The following NXPE4 variants were observed in gnomAD, a reference collection of about 807,000 sequenced individuals.
The protein encoded by NXPE4 is neurexophilin and PC-esterase domain family member 4.
Under a neutral mutation model 33.3 loss-of-function variants are expected in NXPE4, and 42 were observed. The observed-to-expected ratio is 1.26, with a 90% CI of 0.98 to 1.63. NXPE4 has a LOEUF of 1.63. Ranked by LOEUF, NXPE4 falls within the 40% of genes most tolerant of loss-of-function variation. NXPE4 has a pLI of 0.00. For synonymous variants in NXPE4, 253 were observed against 234.9 expected (o/e 1.08, Z -0.71); for missense variants, 709 against 647.6 (o/e 1.09, Z -1.03).
At chr11:114,634,889 A>G in the NXPE4 span, among the ~76,000 whole-genome samples, 3 of 151,992 alleles carry the variant, frequency 2.0e-5, no homozygotes, top group East Asian at 5.8e-4. Context: ...GTTTGAAGTC[A>G]GGTAGTGTGA....
At chr11:114,574,905 A>G (rs1182444735) in intron 5 of NXPE4, among the ~76,000 whole-genome samples, 1 of 152,050 alleles carries the variant, frequency 6.6e-6, no homozygotes, top group Non-Finnish European at 1.5e-5. Flanking sequence ...ACTACAGACC[A>G]GTAACATCCC....
At chr11:114,590,124 G>A (rs1949425) in intron 2 of NXPE4, among the ~76,000 whole-genome samples, 28,221 of 152,130 alleles carry the variant, frequency 0.19, 2,980 homozygotes, top group African/African-American at 0.28. Context: ...GTTTGGACAG[G>A]CATTGTCAAA....
chr11:114,665,088 T>C, the NXPE4 span, among the ~76,000 whole-genome samples: 10 of 152,300 alleles, frequency 6.6e-5, no homozygotes, highest in Admixed American at 6.5e-4. Context: ...TATATTCCCA[T>C]TTATCAAACA....
At chr11:114,633,629 A>T in the NXPE4 span, among the ~76,000 whole-genome samples, 4 of 144,736 alleles carry the variant, frequency 2.8e-5, no homozygotes, top group Non-Finnish European at 6.0e-5. Context: ...CCCAGCCCAC[A>T]ACTGTCCCCA....
chr11:114,607,742 C>T, the NXPE4 span, among the ~76,000 whole-genome samples: 10 of 151,998 alleles, frequency 6.6e-5, no homozygotes, highest in South Asian at 2.1e-3. Flanking sequence ...CCACAGTTGC[C>T]CGGTGGATAA....
chr11:114,621,739 G>A, the NXPE4 span, among the ~76,000 whole-genome samples: 7,416 of 148,548 alleles, frequency 0.05, 601 homozygotes, highest in African/African-American at 0.17. Context: ...GGGTAACCAC[G>A]GTTAACTGCT....
the NXPE4 span, among the ~76,000 whole-genome samples, chr11:114,601,776 A>G: frequency 3.3e-3 from 236 of 72,608 alleles, 9 homozygotes; most frequent in African/African-American, 0.012. Context: ...TATATATTAT[A>G]ATTATATAAC....
At chr11:114,635,071 C>T in the NXPE4 span, among the ~76,000 whole-genome samples, 37 of 151,868 alleles carry the variant, frequency 2.4e-4, no homozygotes, top group South Asian at 1.7e-3. Context: ...GCCATTTTCA[C>T]GATATTGATT....
At chr11:114,573,542 C>A (rs1948936665) in intron 5 of NXPE4, among the ~76,000 whole-genome samples, 1 of 151,858 alleles carries the variant, frequency 6.6e-6, no homozygotes, top group African/African-American at 2.4e-5. Flanking sequence ...TGCAAATGGG[C>A]ACCAAAAGCA....
the NXPE4 span, among the ~76,000 whole-genome samples, chr11:114,612,851 G>T: frequency 6.6e-6 from 1 of 151,826 alleles, no homozygotes; most frequent in East Asian, 1.9e-4. Context: ...TTGCCTTGTG[G>T]GTAATCAATG....
At position 114,571,187 on chromosome 11, in the gene NXPE4, A is replaced by G; in HGVS notation, c.1386T>C (p.Leu462=). ...LNVHKAIQHL[L]LRSPDTMVII... is the part of the protein sequence containing the mutation. ...TAACCATAGTGTCTGGGCTTCTCAG[A>G]AGAAGATGCTGAATGGCTTTGTGGA... Residue 462 remains leucine (L), a synonymous_variant, in exon 6 of 6, where the codon CTT becomes CTC. Coordinates refer to ENST00000375478, the MANE Select transcript of NXPE4 (RefSeq NM_001077639.2). 1 of 1,613,794 alleles carries G rather than the reference A, an allele frequency of 6.2e-7. No individual in the cohort carries two copies. The highest frequency in any genetic ancestry group is 8.5e-7 in the Non-Finnish European group (1 of 1,179,946).
the NXPE4 span, among the ~76,000 whole-genome samples, chr11:114,654,877 A>T: frequency 6.6e-6 from 1 of 152,106 alleles, no homozygotes; most frequent in Admixed American, 6.5e-5. Flanking sequence ...CTGGTTCTAG[A>T]TCCTTGAGGA....
chr11:114,611,821 C>T, the NXPE4 span, among the ~76,000 whole-genome samples: 1 of 151,742 alleles, frequency 6.6e-6, no homozygotes, highest in East Asian at 1.9e-4. Flanking sequence ...CCACTGTTAC[C>T]CGGTGGATAA....
the NXPE4 span, among the ~76,000 whole-genome samples, chr11:114,646,912 C>T: frequency 8.5e-4 from 130 of 152,244 alleles, 1 homozygote; most frequent in Middle Eastern, 3.4e-3. Context: ...TGATATTATA[C>T]TCACTAGAAA....
At chr11:114,605,049 C>T in the NXPE4 span, among the ~76,000 whole-genome samples, 158 of 151,626 alleles carry the variant, frequency 1.0e-3, 1 homozygote, top group Admixed American at 8.3e-3. Context: ...AGTACTGCCT[C>T]GTGGGTAACC....
intron 2 of NXPE4, chr11:114,583,550 T>C (rs1565334288): frequency 1.2e-5 from 7 of 600,432 alleles, no homozygotes; most frequent in Admixed American, 3.7e-5. Context: ...TAGTGAGGAC[T>C]GTCCAGCATT....
chr11:114,589,817 G>C (rs1949401125), intron 2 of NXPE4, among the ~76,000 whole-genome samples: 1 of 152,090 alleles, frequency 6.6e-6, no homozygotes, highest in Non-Finnish European at 1.5e-5. Flanking sequence ...CTTAAACCCT[G>C]TAACAGTCCC....
At chr11:114,656,715 G>T in the NXPE4 span, among the ~76,000 whole-genome samples, 1 of 152,040 alleles carries the variant, frequency 6.6e-6, no homozygotes, top group Non-Finnish European at 1.5e-5. Context: ...GCCAAATCAT[G>T]AAATTAATTA....
At chr11:114,637,066 TAA>T in the NXPE4 span, among the ~76,000 whole-genome samples, 1 of 151,972 alleles carries the variant, frequency 6.6e-6, no homozygotes, top group Non-Finnish European at 1.5e-5. Context: ...AGTGGGGTGT[TAA>T]AGTCTCCCAT....
Sources: allele counts gnomAD v4.1 joint callset (sites outside exome capture counted in the v4.1 genomes callset), GRCh38; gene constraint gnomAD v4.1.1; transcripts MANE v1.5; gene names NCBI Gene and HGNC (gene_info 2026-07-23, HGNC 2026-07-21).